TENM1: variants seen among roughly 807,000 people sequenced by gnomAD.
TENM1 encodes the protein teneurin transmembrane protein 1, also known as teneurin-1.
Under a neutral mutation model 174.8 loss-of-function variants are expected in TENM1, and 35 were observed. The observed-to-expected ratio is 0.20, with a 90% CI of 0.15 to 0.27. The LOEUF (loss-of-function observed/expected upper bound fraction) is 0.27, where lower values mean the gene tolerates loss of function less well. Among genes scored for constraint, TENM1 ranks in the 10% least tolerant of loss-of-function variants. The probability of loss-of-function intolerance (pLI) is 1.00; values close to 1 mark genes in which losing one functional copy is unlikely to be tolerated. For missense variants in TENM1, 1,633 were observed against 2,130.1 expected, an observed-to-expected ratio of 0.77 and a Z score of 4.59; for synonymous variants, 781 against 798.7, an observed-to-expected ratio of 0.98 and a Z score of 0.37.
chrX:125,143,776 T>C, the TENM1 span, among the ~76,000 whole-genome samples: 11 of 111,927 alleles, frequency 9.8e-5, no homozygotes, highest in Non-Finnish European at 2.1e-4. Context: ...AAAATATACA[T>C]TCCAGGTATT....
intron 14 of TENM1, among the ~76,000 whole-genome samples, chrX:124,554,895 C>T (rs1282946217): frequency 9.0e-6 from 1 of 111,588 alleles, no homozygotes; most frequent in Non-Finnish European, 1.9e-5. Context: ...TTGATTTTAC[C>T]AATGAATATG....
intron 1 of TENM1, among the ~76,000 whole-genome samples, chrX:124,933,933 CATTTT>C (rs1569484032): frequency 9.0e-6 from 1 of 111,509 alleles, no homozygotes; most frequent in East Asian, 2.8e-4. Context: ...GACATTTTCA[CATTTT>C]ATCTCATGTT....
At chrX:124,846,089 G>A (rs1241203868) in intron 3 of TENM1, among the ~76,000 whole-genome samples, 1 of 109,887 alleles carries the variant, frequency 9.1e-6, no homozygotes, top group Non-Finnish European at 1.9e-5. Context: ...GAAGAGATAT[G>A]CCCCACATCA....
chrX:124,731,553 A>G (rs1374646718), intron 4 of TENM1, among the ~76,000 whole-genome samples: 1 of 111,691 alleles, frequency 9.0e-6, no homozygotes, highest in Non-Finnish European at 1.9e-5. Context: ...CATTGGCTTT[A>G]GTTTTCAAAA....
intron 3 of TENM1, among the ~76,000 whole-genome samples, chrX:124,755,388 C>A (rs1276706387): frequency 9.0e-6 from 1 of 110,976 alleles, no homozygotes; most frequent in African/African-American, 3.3e-5. Flanking sequence ...GTGTCTCTGC[C>A]TGTGAGATGG....
chrX:124,766,770 A>C (rs960743373), intron 3 of TENM1, among the ~76,000 whole-genome samples: 1 of 111,266 alleles, frequency 9.0e-6, no homozygotes, highest in Non-Finnish European at 1.9e-5. Flanking sequence ...TGTGGAAAAA[A>C]ATGCTAATTG....
At chrX:125,104,082 G>A in the TENM1 span, among the ~76,000 whole-genome samples, 2 of 112,115 alleles carry the variant, frequency 1.8e-5, no homozygotes, top group Non-Finnish European at 3.8e-5. Flanking sequence ...AATTAAGAAA[G>A]TTCATTCATG....
At chrX:124,679,656 C>A (rs1007681454) in intron 5 of TENM1, among the ~76,000 whole-genome samples, 1 of 111,521 alleles carries the variant, frequency 9.0e-6, no homozygotes, top group African/African-American at 3.3e-5. Flanking sequence ...GAACTATAGC[C>A]CTTTGATAAA....
chrX:124,729,537 C>T (rs2053515610), intron 4 of TENM1, among the ~76,000 whole-genome samples: 1 of 112,084 alleles, frequency 8.9e-6, no homozygotes, highest in South Asian at 3.7e-4. Flanking sequence ...TGGCAATGTG[C>T]CCATCTTTCC....
At chrX:124,544,118 G>A (rs1046174591) in intron 15 of TENM1, among the ~76,000 whole-genome samples, 4 of 112,765 alleles carry the variant, frequency 3.5e-5, no homozygotes, top group East Asian at 2.8e-4. Context: ...CAATTATGCA[G>A]CAAAAACTAA....
At chrX:124,828,814 G>A (rs1312336351) in intron 3 of TENM1, among the ~76,000 whole-genome samples, 3 of 111,979 alleles carry the variant, frequency 2.7e-5, no homozygotes, top group African/African-American at 9.7e-5. Context: ...AAGAAAGAAA[G>A]AAAGAAAACA....
At chrX:125,044,749 T>C in the TENM1 span, among the ~76,000 whole-genome samples, 1 of 111,675 alleles carries the variant, frequency 9.0e-6, no homozygotes, top group Non-Finnish European at 1.9e-5. Flanking sequence ...AAGGATACTC[T>C]ATGAATGACA....
chrX:124,521,201 G>A (rs2047841387), intron 17 of TENM1, among the ~76,000 whole-genome samples: 1 of 111,760 alleles, frequency 8.9e-6, no homozygotes, highest in Admixed American at 9.5e-5. Context: ...TTGGTGTTAA[G>A]TCATATATCA....
At chrX:124,528,335 A>G (rs1275325970) in intron 16 of TENM1, among the ~76,000 whole-genome samples, 2 of 111,773 alleles carry the variant, frequency 1.8e-5, no homozygotes, top group Non-Finnish European at 3.8e-5. Flanking sequence ...TAGACTTTTT[A>G]GGTATCAAGA....
At chrX:124,735,733 C>T (rs1293725659) in intron 4 of TENM1, among the ~76,000 whole-genome samples, 2 of 111,656 alleles carry the variant, frequency 1.8e-5, no homozygotes, top group Non-Finnish European at 3.8e-5. Flanking sequence ...GGTATATATA[C>T]ACCATAGAGT....
chrX:124,470,634 TA>T (rs869271678), intron 22 of TENM1, among the ~76,000 whole-genome samples: 2 of 111,285 alleles, frequency 1.8e-5, no homozygotes, highest in African/African-American at 6.5e-5. Flanking sequence ...TACTCTTTTT[TA>T]AAAAAAATAA....
chrX:124,490,576 G>C (rs1359150744), intron 20 of TENM1, among the ~76,000 whole-genome samples: 1 of 111,776 alleles, frequency 8.9e-6, no homozygotes, highest in Non-Finnish European at 1.9e-5. Context: ...AAAAGAAACA[G>C]GAAAATCTCA....
chrX:124,848,644 CAT>C (rs1481147202), intron 3 of TENM1, among the ~76,000 whole-genome samples: 2 of 110,552 alleles, frequency 1.8e-5, no homozygotes, highest in East Asian at 5.7e-4. Flanking sequence ...CCCACAGGTA[CAT>C]AAATATGTAC....
intron 28 of TENM1, among the ~76,000 whole-genome samples, chrX:124,389,548 A>G (rs2060260425): frequency 9.0e-6 from 1 of 111,331 alleles, no homozygotes; most frequent in Admixed American, 9.5e-5. Flanking sequence ...TGGTAAATTC[A>G]ATGTTCTTTC....
Sources: allele counts gnomAD v4.1 joint callset (sites outside exome capture counted in the v4.1 genomes callset), GRCh38; gene constraint gnomAD v4.1.1; transcripts MANE v1.5; gene names NCBI Gene and HGNC (gene_info 2026-07-23, HGNC 2026-07-21).